The following CELF2 variants were observed in gnomAD, a reference collection of about 807,000 sequenced individuals.
The protein encoded by CELF2 is CUGBP Elav-like family member 2.
A neutral mutation model predicts 62.6 loss-of-function variants in CELF2; 8 were observed. That is an observed-to-expected ratio of 0.13 (90% confidence interval 0.07 to 0.23). The LOEUF is 0.23. Among genes scored for constraint, CELF2 ranks in the 10% least tolerant of loss-of-function variants. The probability of loss-of-function intolerance (pLI) is 1.00; values close to 1 mark genes in which losing one functional copy is unlikely to be tolerated. For synonymous variants in CELF2, 258 were observed against 250.0 expected (o/e 1.03, Z -0.30); for missense variants, 333 against 671.0 (o/e 0.50, Z 5.56).
At chr10:10,726,056 A>G in the CELF2 span, among the ~76,000 whole-genome samples, 1 of 152,170 alleles carries the variant, frequency 6.6e-6, no homozygotes, top group Non-Finnish European at 1.5e-5. Flanking sequence ...TTGTCACAAG[A>G]AAGTTCAGCA....
At chr10:10,992,642 G>A (rs532501842) in intron 2 of CELF2, among the ~76,000 whole-genome samples, 1 of 152,320 alleles carries the variant, frequency 6.6e-6, no homozygotes, top group South Asian at 2.1e-4. Context: ...AGAAGAGGGT[G>A]TATTAGGGTT....
chr10:10,809,301 T>C (rs2055591728), intron 1 of CELF2, among the ~76,000 whole-genome samples: 1 of 152,224 alleles, frequency 6.6e-6, no homozygotes, highest in African/African-American at 2.4e-5. Flanking sequence ...GCTGGGACTT[T>C]GATCTCAGAC....
At chr10:10,895,001 C>T (rs1444199260) in intron 1 of CELF2, among the ~76,000 whole-genome samples, 1 of 152,152 alleles carries the variant, frequency 6.6e-6, no homozygotes, top group Non-Finnish European at 1.5e-5. Flanking sequence ...AATGTGCTAG[C>T]TACTATATGC....
the CELF2 span, among the ~76,000 whole-genome samples, chr10:10,469,840 T>C: frequency 6.6e-6 from 1 of 151,870 alleles, no homozygotes; most frequent in Non-Finnish European, 1.5e-5. Context: ...CAGGGTTAAT[T>C]AAATTTTTCA....
intron 1 of CELF2, among the ~76,000 whole-genome samples, chr10:11,153,920 G>A (rs1377984697): frequency 6.6e-6 from 1 of 152,196 alleles, no homozygotes; most frequent in Admixed American, 6.5e-5. Flanking sequence ...CTGCCTCAAA[G>A]CAAAGAGTCA....
At chr10:11,088,290 G>A (rs868718561) in intron 1 of CELF2, among the ~76,000 whole-genome samples, 12 of 152,310 alleles carry the variant, frequency 7.9e-5, no homozygotes, top group Middle Eastern at 3.4e-3. Context: ...AGGCATATGC[G>A]TAGAAACACT....
intron 1 of CELF2, among the ~76,000 whole-genome samples, chr10:10,820,697 C>T (rs1049947829): frequency 6.6e-5 from 10 of 152,154 alleles, no homozygotes; most frequent in African/African-American, 1.2e-4. Flanking sequence ...CCTGAGGAAT[C>T]GTTACTCACA....
chr10:10,666,872 A>G, the CELF2 span, among the ~76,000 whole-genome samples: 3 of 75,106 alleles, frequency 4.0e-5, no homozygotes, highest in Non-Finnish European at 7.7e-5. Context: ...AAAAAAAAAA[A>G]AAAAAAAGAA....
At chr10:10,649,366 A>G in the CELF2 span, among the ~76,000 whole-genome samples, 1 of 152,216 alleles carries the variant, frequency 6.6e-6, no homozygotes, top group African/African-American at 2.4e-5. Context: ...GTATATACTC[A>G]GGTCAATATT....
intron 1 of CELF2, among the ~76,000 whole-genome samples, chr10:10,878,558 C>A (rs113372827): frequency 6.6e-6 from 1 of 152,138 alleles, no homozygotes; most frequent in Non-Finnish European, 1.5e-5. Flanking sequence ...CATACACACA[C>A]GTCCAAGTGG....
chr10:11,164,396 A>G (rs1317430187), intron 1 of CELF2, among the ~76,000 whole-genome samples: 2 of 152,248 alleles, frequency 1.3e-5, no homozygotes, highest in African/African-American at 2.4e-5. Flanking sequence ...GGCTGTACAC[A>G]GCATTCTCTT....
intron 9 of CELF2, among the ~76,000 whole-genome samples, chr10:11,303,472 T>C (rs2093952376): frequency 6.6e-6 from 1 of 152,224 alleles, no homozygotes; most frequent in Non-Finnish European, 1.5e-5. Context: ...GCAGTTCCTC[T>C]TTTGAGGACA....
At chr10:11,137,865 C>G (rs1279344659) in intron 1 of CELF2, among the ~76,000 whole-genome samples, 1 of 152,190 alleles carries the variant, frequency 6.6e-6, no homozygotes, top group East Asian at 1.9e-4. Flanking sequence ...TGGAGCCAAG[C>G]TTCAAGTGTT....
the CELF2 span, among the ~76,000 whole-genome samples, chr10:10,534,226 A>AAG: frequency 4.9e-3 from 727 of 149,418 alleles, 16 homozygotes; most frequent in African/African-American, 0.017. Flanking sequence ...AAAAAAAAAA[A>AAG]AAAGAAAAAG....
chr10:10,940,242 T>C (rs2046905274), intron 2 of CELF2, among the ~76,000 whole-genome samples: 1 of 152,156 alleles, frequency 6.6e-6, no homozygotes, highest in Non-Finnish European at 1.5e-5. Flanking sequence ...ATACCCGGGT[T>C]TTTTTGTTTT....
upstream of CELF2, among the ~76,000 whole-genome samples, chr10:11,017,590 G>T (rs533736348): frequency 6.6e-6 from 1 of 152,290 alleles, no homozygotes; most frequent in Admixed American, 6.5e-5. The surrounding 1 kb of genome is among the most constrained non-coding windows in gnomAD (Gnocchi z 5.5). Flanking sequence ...CGCGGCTCGG[G>T]TATGGAAGTG....
chr10:10,475,322 T>C, the CELF2 span, among the ~76,000 whole-genome samples: 2 of 152,146 alleles, frequency 1.3e-5, no homozygotes, highest in Middle Eastern at 3.4e-3. Context: ...TTACATCCCA[T>C]GTCCCCTGAA....
intron 1 of CELF2, among the ~76,000 whole-genome samples, chr10:11,024,035 C>G (rs1173466455): frequency 6.6e-6 from 1 of 152,064 alleles, no homozygotes. Flanking sequence ...CATTTTTTTT[C>G]CTCCTAAAGA....
At chr10:11,228,718 C>CAA (rs56167230) in intron 3 of CELF2, among the ~76,000 whole-genome samples, 49 of 135,164 alleles carry the variant, frequency 3.6e-4, no homozygotes, top group African/African-American at 1.3e-3. Flanking sequence ...GCGCCCCTCG[C>CAA]AAAAAAAAAA....
Sources: gnomAD v4.1 joint callset for allele counts (sites outside exome capture counted in the v4.1 genomes callset) on GRCh38, gnomAD v4.1.1 for gene constraint, Gnocchi (gnomAD v3.1) non-coding constraint, MANE v1.5 for transcripts, NCBI Gene and HGNC (gene_info 2026-07-23, HGNC 2026-07-21) for gene names.